ENPP3: variants seen among roughly 807,000 people sequenced by gnomAD.
ENPP3 encodes the protein ectonucleotide pyrophosphatase/phosphodiesterase family member 3.
Under a neutral mutation model 117.8 loss-of-function variants are expected in ENPP3, and 104 were observed. That is an observed-to-expected ratio of 0.88 (90% CI 0.75 to 1.04). The LOEUF (loss-of-function observed/expected upper bound fraction) is 1.04, where lower values mean the gene tolerates loss of function less well. Among genes scored for constraint, ENPP3 ranks in the 50% least tolerant of loss-of-function variants. The pLI is 0.00. For missense variants in ENPP3, 1,026 were observed against 1,051.9 expected, an observed-to-expected ratio of 0.98 and a Z score of 0.34; for synonymous variants, 380 against 349.9, an observed-to-expected ratio of 1.09 and a Z score of -0.96.
intron 11 of ENPP3, among the ~76,000 whole-genome samples, chr6:131,679,091 T>C (rs1236793197): frequency 7.4e-6 from 1 of 135,736 alleles, no homozygotes; most frequent in Non-Finnish European, 1.6e-5. Flanking sequence ...CTTTCTTTTC[T>C]TCTTTCTTTC....
At chr6:131,710,154 C>T (rs770397968) in intron 15 of ENPP3, 23 of 1,613,550 alleles carry the variant, frequency 1.4e-5, no homozygotes, top group South Asian at 8.8e-5. Flanking sequence ...TATCATCATC[C>T]GTTGTGTCTT....
intron 2 of ENPP3, among the ~76,000 whole-genome samples, chr6:131,645,470 G>C (rs1308381308): frequency 6.6e-6 from 1 of 152,164 alleles, no homozygotes; most frequent in Admixed American, 6.5e-5. Context: ...TCTTGGTCTG[G>C]TGGATGGTTG....
intron 24 of ENPP3, among the ~76,000 whole-genome samples, chr6:131,742,777 C>T (rs916461158): frequency 1.3e-5 from 2 of 152,092 alleles, no homozygotes; most frequent in African/African-American, 2.4e-5. Flanking sequence ...TCACTGTTGC[C>T]TATGTTCTTC....
At chr6:131,695,069 G>C (rs1307039672) in intron 15 of ENPP3, among the ~76,000 whole-genome samples, 1 of 151,856 alleles carries the variant, frequency 6.6e-6, no homozygotes, top group Non-Finnish European at 1.5e-5. Flanking sequence ...AAGTTTATTA[G>C]CCCTTTGTGT....
chr6:131,666,599 G>T (rs1349688064), intron 6 of ENPP3, among the ~76,000 whole-genome samples: 2 of 151,924 alleles, frequency 1.3e-5, no homozygotes, highest in Admixed American at 6.6e-5. Flanking sequence ...GCCTGAGTTT[G>T]CCTCTCTTTG....
chr6:131,743,649 AC>A (rs913730586), intron 24 of ENPP3, among the ~76,000 whole-genome samples: 4 of 151,494 alleles, frequency 2.6e-5, no homozygotes, highest in Non-Finnish European at 4.4e-5. Context: ...TTTACTAGAG[AC>A]CCCATCTATA....
At chr6:131,674,460 TAACTC>T in intron 8 of ENPP3, 179 bp downstream of exon 8, 1 of 644,102 alleles carries the variant, frequency 1.6e-6, no homozygotes, top group Admixed American at 2.3e-5. Flanking sequence ...TTATGGTTGT[TAACTC>T]AAATAGGTAT....
intron 6 of ENPP3, among the ~76,000 whole-genome samples, chr6:131,663,398 C>T (rs1778544863): frequency 6.6e-6 from 1 of 151,520 alleles, no homozygotes; most frequent in African/African-American, 2.4e-5. Flanking sequence ...GAGAAATTCC[C>T]ATCACCAGCT....
intron 11 of ENPP3, among the ~76,000 whole-genome samples, chr6:131,678,853 C>A (rs1320343253): frequency 6.6e-6 from 1 of 152,120 alleles, no homozygotes; most frequent in Non-Finnish European, 1.5e-5. Flanking sequence ...TTACTCTAAG[C>A]GTGAACTATC....
chr6:131,716,621 T>C (rs1779892957), intron 15 of ENPP3, among the ~76,000 whole-genome samples: 1 of 148,556 alleles, frequency 6.7e-6, no homozygotes, highest in African/African-American at 2.5e-5. Context: ...TCCATTAATA[T>C]TGGGAAACCA....
intron 15 of ENPP3, among the ~76,000 whole-genome samples, chr6:131,713,229 G>A (rs1321729127): frequency 7.0e-6 from 1 of 142,100 alleles, no homozygotes; most frequent in African/African-American, 2.9e-5. Flanking sequence ...CAGCCATGTG[G>A]AACTGTGAGT....
At chr6:131,660,145 G>A (rs572341501) in intron 6 of ENPP3, among the ~76,000 whole-genome samples, 7 of 152,274 alleles carry the variant, frequency 4.6e-5, no homozygotes, top group Admixed American at 6.5e-5. Flanking sequence ...GTAGGTAGGG[G>A]TACATATTCT....
chr6:131,693,364 A>G (rs1184565362), intron 14 of ENPP3, 133 bp from the exon 15 acceptor site: 1 of 703,606 alleles, frequency 1.4e-6, no homozygotes, highest in East Asian at 2.8e-5. Context: ...TAGGTTTAAT[A>G]TTCCTATTGT....
chr6:131,659,807 A>G (rs1464149794), intron 6 of ENPP3, among the ~76,000 whole-genome samples: 1 of 152,168 alleles, frequency 6.6e-6, no homozygotes, highest in Non-Finnish European at 1.5e-5. Flanking sequence ...CTCAGTTTCT[A>G]TCTTCTTATC....
At chr6:131,674,405 G>A (rs1444179083) in intron 8 of ENPP3, 124 bp downstream of exon 8, 3 of 933,804 alleles carry the variant, frequency 3.2e-6, no homozygotes, top group Non-Finnish European at 5.2e-6. Flanking sequence ...GGCTGAGGGT[G>A]CAAAGGTGTT....
At chr6:131,724,232 A>AAAAAACCAAAAAAAC (rs1562475264) in intron 19 of ENPP3, 141 bp downstream of exon 19, 1 of 608,494 alleles carries the variant, frequency 1.6e-6, no homozygotes, top group African/African-American at 2.0e-5. Flanking sequence ...AAGGTAAAAA[A>AAAAAACCAAAAAAAC]AAAAAAACTC....
chr6:131,701,171 C>T (rs747340906), intron 15 of ENPP3: 11 of 816,306 alleles, frequency 1.3e-5, no homozygotes, highest in Admixed American at 6.9e-5. Flanking sequence ...GCATCCGGGG[C>T]ACCGTGTTGC....
At chr6:131,638,244 T>A (rs1339050340) in intron 1 of ENPP3, among the ~76,000 whole-genome samples, 1 of 152,160 alleles carries the variant, frequency 6.6e-6, no homozygotes, top group Non-Finnish European at 1.5e-5. Flanking sequence ...TACTTTCTCA[T>A]TCTGAATTAT....
At chr6:131,710,813 G>T in intron 15 of ENPP3, 1 of 1,613,380 alleles carries the variant, frequency 6.2e-7, no homozygotes, top group Admixed American at 1.7e-5. Context: ...ACATAAAGCC[G>T]ACTCCTAACC....
Sources: allele counts gnomAD v4.1 joint callset (sites outside exome capture counted in the v4.1 genomes callset), GRCh38; gene constraint gnomAD v4.1.1; transcripts MANE v1.5; gene names NCBI Gene and HGNC (gene_info 2026-07-23, HGNC 2026-07-21).